ZNG1E: variants seen among roughly 807,000 people sequenced by gnomAD.
ZNG1E encodes Zn regulated GTPase metalloprotein activator 1E, also known as zinc-regulated GTPase metalloprotein activator 1E.
the ZNG1E span, chr9:65,707,093 C>A: frequency 1.1e-5 from 1 of 91,584 alleles, no homozygotes; most frequent in Non-Finnish European, 2.2e-5. Flanking sequence ...TCACTGAAAC[C>A]ACTGCCTCCT....
At chr9:65,680,869 A>G in the ZNG1E span, among the ~76,000 whole-genome samples, 5 of 152,194 alleles carry the variant, frequency 3.3e-5, no homozygotes, top group Non-Finnish European at 5.9e-5. Flanking sequence ...GGTCACTGCA[A>G]CCTCCGCCTC....
At chr9:65,660,854 T>TATAA in the ZNG1E span, among the ~76,000 whole-genome samples, 1 of 53,510 alleles carries the variant, frequency 1.9e-5, no homozygotes, top group Non-Finnish European at 4.0e-5. Flanking sequence ...TATATATATA[T>TATAA]AAAATAAAAA....
chr9:65,657,617 TA>T, the ZNG1E span, among the ~76,000 whole-genome samples: 9 of 152,194 alleles, frequency 5.9e-5, no homozygotes, highest in African/African-American at 1.2e-4. Flanking sequence ...TACAAAAATA[TA>T]GTTAGATAGA....
the ZNG1E span, among the ~76,000 whole-genome samples, chr9:65,665,180 T>C: frequency 6.6e-6 from 1 of 152,274 alleles, no homozygotes; most frequent in East Asian, 1.9e-4. Flanking sequence ...CCCAAGACAA[T>C]GGGGAAAGTG....
the ZNG1E span, chr9:65,676,252 T>TA: frequency 1.2e-6 from 1 of 856,410 alleles, no homozygotes; most frequent in East Asian, 2.8e-5. Context: ...GTCTTTGAGG[T>TA]AGGGGCTGGG....
the ZNG1E span, among the ~76,000 whole-genome samples, chr9:65,691,196 C>T: frequency 4.6e-4 from 69 of 151,082 alleles, no homozygotes; most frequent in African/African-American, 1.7e-3. Context: ...GATTCTCCTG[C>T]CTCAGCCTCC....
chr9:65,684,974 T>G, the ZNG1E span, among the ~76,000 whole-genome samples: 47 of 151,668 alleles, frequency 3.1e-4, no homozygotes, highest in African/African-American at 1.0e-3. Flanking sequence ...CTCAGGAGTT[T>G]GAGGCTGCAG....
the ZNG1E span, among the ~76,000 whole-genome samples, chr9:65,666,113 G>A: frequency 1.7e-3 from 246 of 148,146 alleles, 1 homozygote; most frequent in African/African-American, 5.9e-3. Flanking sequence ...AGACGGTTGA[G>A]AAGCCATGAC....
chr9:65,714,226 T>C, the ZNG1E span, among the ~76,000 whole-genome samples: 3 of 149,044 alleles, frequency 2.0e-5, no homozygotes, highest in Non-Finnish European at 2.9e-5. Flanking sequence ...TAAGCACTTC[T>C]CTGTATTGGT....
At chr9:65,664,987 A>G in the ZNG1E span, among the ~76,000 whole-genome samples, 5 of 152,256 alleles carry the variant, frequency 3.3e-5, no homozygotes, top group African/African-American at 9.6e-5. Context: ...TCTAAGCAGC[A>G]AAGCATTCAA....
chr9:65,685,130 C>G, the ZNG1E span, among the ~76,000 whole-genome samples: 1,321 of 150,334 alleles, frequency 8.8e-3, 4 homozygotes, highest in Admixed American at 0.029. Flanking sequence ...AAAAAACATA[C>G]ATACCTTAAT....
At chr9:65,677,779 C>T in the ZNG1E span, among the ~76,000 whole-genome samples, 1 of 152,058 alleles carries the variant, frequency 6.6e-6, no homozygotes, top group Non-Finnish European at 1.5e-5. Flanking sequence ...GCCAAATTGG[C>T]CCCGCACAAT....
chr9:65,717,551 C>T, the ZNG1E span, among the ~76,000 whole-genome samples: 1 of 149,862 alleles, frequency 6.7e-6, no homozygotes, highest in South Asian at 2.1e-4. Flanking sequence ...TCCCTTTCAT[C>T]CTCCGTGTCT....
chr9:65,731,161 T>C, the ZNG1E span, among the ~76,000 whole-genome samples: 4 of 152,284 alleles, frequency 2.6e-5, no homozygotes, highest in Admixed American at 2.0e-4. Flanking sequence ...TAGCTTATTT[T>C]TTTGACCCTT....
At chr9:65,691,575 G>T in the ZNG1E span, among the ~76,000 whole-genome samples, 1 of 152,238 alleles carries the variant, frequency 6.6e-6, no homozygotes, top group African/African-American at 2.4e-5. Flanking sequence ...TTCCACTAAG[G>T]TTTTCTTTAA....
chr9:65,682,486 TAA>T, the ZNG1E span: 3 of 333,766 alleles, frequency 9.0e-6, no homozygotes, highest in African/African-American at 6.7e-5. Flanking sequence ...CATAAAGCTA[TAA>T]AAAGATACTT....
chr9:65,708,502 G>A, the ZNG1E span: 1 of 259,368 alleles, frequency 3.9e-6, no homozygotes, highest in Non-Finnish European at 7.3e-6. Flanking sequence ...TTATATCAAG[G>A]GAGGGGGTAT....
chr9:65,656,522 G>A, the ZNG1E span, among the ~76,000 whole-genome samples: 1 of 151,946 alleles, frequency 6.6e-6, no homozygotes, highest in African/African-American at 2.4e-5. Flanking sequence ...TAAAGGTAGG[G>A]TCAAAAATAG....
the ZNG1E span, among the ~76,000 whole-genome samples, chr9:65,669,626 T>C: frequency 1.4e-5 from 2 of 147,258 alleles, no homozygotes; most frequent in African/African-American, 5.0e-5. Context: ...TGGTGTTTTC[T>C]TTTTTTTTTA....
Sources: allele counts gnomAD v4.1 joint callset (sites outside exome capture counted in the v4.1 genomes callset), GRCh38; gene constraint gnomAD v4.1.1; transcripts MANE v1.5; gene names NCBI Gene and HGNC (gene_info 2026-07-23, HGNC 2026-07-21).